The following LANCL3 variants were observed in gnomAD, a reference collection of about 807,000 sequenced individuals.
The protein encoded by LANCL3 is lanC-like protein 3.
A neutral mutation model predicts 26.5 loss-of-function variants in LANCL3; 19 were observed. That is an observed-to-expected ratio of 0.72 (90% CI 0.50 to 1.05). The LOEUF is 1.05. LANCL3 is among the 50% of genes least tolerant of loss of function. The pLI, the probability that LANCL3 is intolerant of heterozygous loss-of-function variation, is 0.00. For synonymous variants in LANCL3, 160 were observed against 166.6 expected, an observed-to-expected ratio of 0.96 and a Z score of 0.30; for missense variants, 318 against 362.7, an observed-to-expected ratio of 0.88 and a Z score of 1.00.
At chrX:37,587,585 C>T (rs1464613147) in intron 1 of LANCL3, among the ~76,000 whole-genome samples, 2 of 112,978 alleles carry the variant, frequency 1.8e-5, no homozygotes, top group East Asian at 5.5e-4. Flanking sequence ...GGGCGTGGGG[C>T]CCTCCAAGCC....
intron 1 of LANCL3, among the ~76,000 whole-genome samples, chrX:37,636,362 G>A (rs1337009675): frequency 3.6e-5 from 4 of 112,084 alleles, no homozygotes; most frequent in African/African-American, 1.3e-4. Context: ...ATGGTGGTTC[G>A]TTTTAAGTTC....
intron 2 of LANCL3, among the ~76,000 whole-genome samples, chrX:37,658,378 A>C (rs1490602613): frequency 8.9e-6 from 1 of 112,222 alleles, no homozygotes; most frequent in Non-Finnish European, 1.9e-5. Context: ...TTTGAATCCA[A>C]ATCTGAAGGC....
intron 1 of LANCL3, among the ~76,000 whole-genome samples, chrX:37,577,839 T>C (rs1197742008): frequency 1.8e-5 from 2 of 112,295 alleles, no homozygotes; most frequent in African/African-American, 3.2e-5. Context: ...AAGTTGTTAA[T>C]TGGGTCTTTG....
At chrX:37,663,667 T>C (rs2146787922) in intron 3 of LANCL3, among the ~76,000 whole-genome samples, 1 of 111,391 alleles carries the variant, frequency 9.0e-6, no homozygotes, top group East Asian at 2.8e-4. Context: ...ACAGAATGAA[T>C]TTAAGGCATG....
intron 1 of LANCL3, among the ~76,000 whole-genome samples, chrX:37,639,283 G>A (rs1369184062): frequency 3.9e-5 from 4 of 101,742 alleles, no homozygotes; most frequent in African/African-American, 1.4e-4. Flanking sequence ...ATGTATATAT[G>A]TGTGTGTATA....
At chrX:37,578,261 T>A (rs1282536398) in intron 1 of LANCL3, among the ~76,000 whole-genome samples, 15 of 112,302 alleles carry the variant, frequency 1.3e-4, no homozygotes, top group African/African-American at 4.9e-4. Context: ...CATTAGCCAG[T>A]TCTAGTTTCA....
At chrX:37,643,091 T>C (rs1234335002) in intron 1 of LANCL3, among the ~76,000 whole-genome samples, 2 of 112,076 alleles carry the variant, frequency 1.8e-5, no homozygotes, top group Non-Finnish European at 3.8e-5. Flanking sequence ...GCCTTAATAA[T>C]GTCGGCATTC....
rs1288974550 is a variant in LANCL3, at chrX:37,663,919, C to T, written c.896-3363C>T. ...ATGTCTTACCTGGAGACTAGCTTCA[C>T]CCTGAGTCTGAGGAGAAGCTAAGAA... is the stretch of plus-strand genomic sequence containing the variant. On this transcript the variant is annotated intron_variant, in intron 3 of 4. Transcript: ENST00000378619. 2.7e-5 allele frequency among the ~76,000 whole-genome samples: 3 copies of T among 111,643 alleles called. No individual in the cohort carries two copies. In the Admixed American group the frequency reaches 2.8e-4, roughly 11 times the overall value.
chrX:37,662,416 C>T (rs1489916100), intron 3 of LANCL3, among the ~76,000 whole-genome samples: 5 of 112,047 alleles, frequency 4.5e-5, no homozygotes, highest in Non-Finnish European at 1.9e-5. Flanking sequence ...TAAAAAAACT[C>T]ATTTCATAAA....
chrX:37,647,158 C>CA (rs1556427248), intron 1 of LANCL3, among the ~76,000 whole-genome samples: 2 of 110,436 alleles, frequency 1.8e-5, no homozygotes, highest in African/African-American at 6.6e-5. Flanking sequence ...ACTAAAAATA[C>CA]AAAAAATTAG....
chrX:37,650,279 G>C (rs1238218022), intron 1 of LANCL3, among the ~76,000 whole-genome samples: 1 of 100,750 alleles, frequency 9.9e-6, no homozygotes, highest in Admixed American at 1.1e-4. Flanking sequence ...CTCCAGCCTG[G>C]GTGACTGAGT....
intron 1 of LANCL3, among the ~76,000 whole-genome samples, chrX:37,595,797 A>T (rs183663328): frequency 2.7e-5 from 3 of 112,335 alleles, no homozygotes; most frequent in African/African-American, 9.7e-5. Flanking sequence ...TAAAGCTTGC[A>T]TTCACTCTTG....
At chrX:37,614,744 A>G (rs1556421548) in intron 1 of LANCL3, among the ~76,000 whole-genome samples, 1 of 112,229 alleles carries the variant, frequency 8.9e-6, no homozygotes, top group East Asian at 2.8e-4. Flanking sequence ...ATTTTTAAAA[A>G]CATGTGTACC....
At chrX:37,588,213 G>A (rs1196144238) in intron 1 of LANCL3, among the ~76,000 whole-genome samples, 2 of 111,702 alleles carry the variant, frequency 1.8e-5, no homozygotes, top group Non-Finnish European at 3.8e-5. Flanking sequence ...TGTTTGTCAT[G>A]TGATTGGCTG....
Position 37,646,567 on chromosome X carries a change from A to G in LANCL3, c.574-9121A>G, listed in dbSNP as rs1004396649. ...TTCTCTAACTTTTTAATTTGAAATA[A>G]TTTGGACTGGGAATTTTAAAAAATA... On this transcript the variant is annotated intron_variant, in intron 1 of 4. Transcript: ENST00000378619. 2.2e-4 allele frequency among the ~76,000 whole-genome samples: 25 copies of G among 112,535 alleles called. No individual in the cohort carries two copies. The Admixed American group carries it at 2.4e-3, about 11-fold the overall frequency.
At chrX:37,639,759 A>T (rs1157241570) in intron 1 of LANCL3, among the ~76,000 whole-genome samples, 1 of 112,021 alleles carries the variant, frequency 8.9e-6, no homozygotes, top group East Asian at 2.8e-4. Flanking sequence ...TTTTTTAAAA[A>T]AAATGAGTGT....
At chrX:37,670,748 T>C (rs782198423) in intron 4 of LANCL3, among the ~76,000 whole-genome samples, 1 of 111,634 alleles carries the variant, frequency 9.0e-6, no homozygotes, top group East Asian at 2.8e-4. Context: ...TGGAATTTCA[T>C]TGAATTTACA....
chrX:37,621,418 C>A (rs1344752352), intron 1 of LANCL3, among the ~76,000 whole-genome samples: 2 of 112,086 alleles, frequency 1.8e-5, no homozygotes, highest in Non-Finnish European at 3.8e-5. Flanking sequence ...TTAAGGAAAA[C>A]CTGGTTGAAG....
intron 3 of LANCL3, among the ~76,000 whole-genome samples, chrX:37,661,009 G>A (rs1284323283): frequency 1.0e-5 from 1 of 95,424 alleles, no homozygotes; most frequent in Admixed American, 1.1e-4. Flanking sequence ...TTTGTGGGCG[G>A]GGGGGGAACA....
Sources: gnomAD v4.1 joint callset for allele counts (sites outside exome capture counted in the v4.1 genomes callset) on GRCh38, gnomAD v4.1.1 for gene constraint, MANE v1.5 for transcripts, NCBI Gene and HGNC (gene_info 2026-07-23, HGNC 2026-07-21) for gene names.